The following MTMR4 variants were observed in gnomAD, a reference collection of about 807,000 sequenced individuals.
MTMR4 encodes the protein myotubularin related protein 4.
A neutral mutation model predicts 125.5 loss-of-function variants in MTMR4; 30 were observed. The observed-to-expected ratio is 0.24, with a 90% CI of 0.18 to 0.32. The LOEUF (loss-of-function observed/expected upper bound fraction) is 0.32. Among genes scored for constraint, MTMR4 ranks in the 10% least tolerant of loss-of-function variants. MTMR4 has a pLI of 1.00. For missense variants in MTMR4, 1,039 were observed against 1,511.5 expected, an observed-to-expected ratio of 0.69 and a Z score of 5.18; for synonymous variants, 498 against 564.5, an observed-to-expected ratio of 0.88 and a Z score of 1.67.
At chr17:58,515,996 T>C (rs927665120), upstream of MTMR4, among the ~76,000 whole-genome samples, 13 of 152,226 alleles carry the variant, frequency 8.5e-5, no homozygotes, top group Non-Finnish European at 1.8e-4. Context: ...AGAGAAGGGC[T>C]GTTACAGTTA....
rs1463197601 is a variant in MTMR4, at chr17:58,495,173, A to G, written c.3011T>C (p.Val1004Ala). The change falls in exon 15 of 18, where the codon GTC becomes GCC. Residue 1004 changes from valine (V) to alanine (A), a missense_variant. Around this residue, in one of 6 missense-constraint regions of MTMR4, gnomAD observed 619 missense variants for 714.5 expected, o/e 0.87. Transcript: ENST00000682306. The stretch of plus-strand genomic sequence containing the variant: ...CAGTGGAACGGGCTTTGTGCTAGAG[A>G]CTTGCTTTGGATGACTGGACAACCA... Reference protein sequence around the residue: ...QMWLSSHPKQVSSTKPVPLNC... With the variant: ...QMWLSSHPKQASSTKPVPLNC... 3 of 1,614,052 alleles carry G rather than the reference A, an allele frequency of 1.9e-6. No homozygotes were observed. The highest frequency in any genetic ancestry group is 2.5e-6 in the Non-Finnish European group (3 of 1,180,040).
chr17:58,514,780 G>A (rs571191065), upstream of MTMR4, among the ~76,000 whole-genome samples: 2 of 152,202 alleles, frequency 1.3e-5, no homozygotes, highest in Admixed American at 1.3e-4. Context: ...CTACTCCAGG[G>A]ACCTTTAGGA....
Position 58,512,750 on chromosome 17 carries a change from G to C in MTMR4, c.135+102C>G. ...CCAGAGACCAGGGAACATGAAGCCA[G>C]AGCTCTGGTACCAGATGCCCTTGAG... On this transcript the variant is annotated intron_variant, in intron 2 of 17. Coordinates refer to ENST00000682306, the MANE Select transcript of MTMR4 (RefSeq NM_001378067.1). The surrounding 1 kb of genome is among the most constrained non-coding windows in gnomAD (Gnocchi z 4.1). The C allele has an allele frequency of 9.7e-7, 1 of 1,035,942 alleles. No homozygotes were observed. The highest frequency in any genetic ancestry group is 1.5e-6 in the Non-Finnish European group (1 of 680,002). 64.2% of individuals were successfully genotyped at this position (1,035,942 alleles called of 1,614,324 possible). A position where few individuals can be genotyped will look rare whatever the true frequency, so the allele number is the denominator to read the frequency against.
intron 15 of MTMR4, among the ~76,000 whole-genome samples, chr17:58,494,560 T>C (rs986227776): frequency 5.9e-5 from 9 of 152,224 alleles, no homozygotes; most frequent in African/African-American, 2.2e-4. Flanking sequence ...TGTACACATA[T>C]ATACTCGCAT....
chr17:58,491,649 T>C lies in MTMR4; in HGVS notation c.*14A>G, dbSNP rs1297485509. Reference sequence around the variant, plus strand: ...TTCAAACCTGCTAAAATTGGACAGGTTTCTCCCCGGCATTCAACTGGAAGC... The same window carrying C: ...TTCAAACCTGCTAAAATTGGACAGGCTTCTCCCCGGCATTCAACTGGAAGC... On this transcript the variant is annotated 3_prime_UTR_variant, in exon 18 of 18. Transcript: ENST00000682306. The C allele has an allele frequency of 6.2e-7, 1 of 1,610,184 alleles. No individual in the cohort carries two copies.
intron 14 of MTMR4, among the ~76,000 whole-genome samples, chr17:58,496,970 A>G (rs1349416792): frequency 6.6e-6 from 1 of 152,218 alleles, no homozygotes; most frequent in East Asian, 1.9e-4. Context: ...CTTGATAACC[A>G]CTTAGCAGCA....
Position 58,494,895 on chromosome 17 carries a change from G to A in MTMR4, c.3252+37C>T, listed in dbSNP as rs1353921106. On this transcript the variant is annotated intron_variant, in intron 15 of 17. Transcript: ENST00000682306. ...ATGGAGGGAAGGCTGGATGAACAGA[G>A]TAAATAATGGGTGTATGGCAGTTGG... 3 of 1,578,066 alleles carry A rather than the reference G, an allele frequency of 1.9e-6. No homozygotes were observed. In the South Asian group the frequency reaches 3.5e-5, roughly 18 times the overall value.
In MTMR4 at chr17:58,495,336, T is replaced by C. The variant is rs1334128918; in HGVS notation, c.2848A>G (p.Arg950Gly). 7.4e-6 allele frequency: 12 copies of C among 1,614,106 alleles called. No individual in the cohort carries two copies. Among genetic ancestry groups the C allele is most frequent in the South Asian group, 1.1e-5 (1 of 91,094 alleles). Residue 950 changes from arginine to glycine, a missense_variant, in exon 15 of 18, where the codon AGG becomes GGG. Coordinates refer to ENST00000682306, the MANE Select transcript of MTMR4 (RefSeq NM_001378067.1). ...GCCCGCATCTGCTTACTGTTTGGCCTCTTGCTACAACAGCCATAGGAAAGC... is the reference window on the plus strand; with the variant it reads ...GCCCGCATCTGCTTACTGTTTGGCCCCTTGCTACAACAGCCATAGGAAAGC... ...RLLSYGCCSK[R>G]PNSKQMRATG...
chr17:58,497,439 GTGTGAC>G (rs1567928896), intron 14 of MTMR4, among the ~76,000 whole-genome samples: 21 of 152,220 alleles, frequency 1.4e-4, no homozygotes, highest in African/African-American at 5.1e-4. Context: ...CATCTTTGCT[GTGTGAC>G]TTTAACTTCT....
upstream of MTMR4, among the ~76,000 whole-genome samples, chr17:58,517,075 T>G (rs922692375): frequency 2.0e-5 from 3 of 152,212 alleles, no homozygotes; most frequent in East Asian, 5.8e-4. Context: ...CTGGGAGTAG[T>G]ACCCACCTGA....
chr17:58,495,108 C>T lies in MTMR4; in HGVS notation c.3076G>A (p.Asp1026Asn). 6.2e-7 allele frequency: 1 copy of T among 1,614,242 alleles called. No homozygotes were observed. The highest frequency in any genetic ancestry group is 8.5e-7 in the Non-Finnish European group (1 of 1,180,044). ...SPVPPLYLDD[D>N]GLPFPTDVIQ... ...ACATCCGTGGGAAAGGGGAGTCCATCATCATCCAAATACAGAGGAGGCACT... is the reference window on the plus strand; with the variant it reads ...ACATCCGTGGGAAAGGGGAGTCCATTATCATCCAAATACAGAGGAGGCACT... The change falls in exon 15 of 18, where the codon GAT becomes AAT. Residue 1026 changes from aspartate to asparagine, a missense_variant. Around this residue, in one of 6 missense-constraint regions of MTMR4, gnomAD observed 619 missense variants for 714.5 expected, o/e 0.87. Coordinates refer to ENST00000682306, the MANE Select transcript of MTMR4 (RefSeq NM_001378067.1).
Position 58,512,385 on chromosome 17 carries a change from C to A in MTMR4, c.252+5G>T. 6.2e-7 allele frequency: 1 copy of A among 1,605,796 alleles called. No individual in the cohort carries two copies. ...TAGGGGTAGGAGAACAATACAGAAACTCACGTTGATGACAGAGTCCTTGAA... is the reference window on the plus strand; with the variant it reads ...TAGGGGTAGGAGAACAATACAGAAAATCACGTTGATGACAGAGTCCTTGAA... On this transcript the variant is annotated splice_donor_5th_base_variant and intron_variant, in intron 3 of 17. Transcript: ENST00000682306. This position sits in a 1 kb window ranked among gnomAD's most constrained non-coding sequence, Gnocchi z 4.1.
At position 58,508,422 on chromosome 17, in the gene MTMR4, G is replaced by A. The variant is rs377307501; in HGVS notation, c.593+46C>T. The A allele has an allele frequency of 8.4e-5, 133 of 1,585,786 alleles. 1 individual carries two copies. In the South Asian group the frequency reaches 9.6e-4, roughly 11 times the overall value. On this transcript the variant is annotated intron_variant, in intron 6 of 17. Transcript: ENST00000682306. This position sits in a 1 kb window ranked among gnomAD's most constrained non-coding sequence, Gnocchi z 4.8. ...TGCCCACCACACTTTATCCAAACAC[G>A]GAAGTAGTTTGGTGTGGAAGGTGTT...
intron 9 of MTMR4, 117 bp downstream of exon 9, chr17:58,506,626 T>C: frequency 2.2e-6 from 3 of 1,343,222 alleles, no homozygotes; most frequent in Non-Finnish European, 3.0e-6. Flanking sequence ...AGCAAAGTTG[T>C]GATTACAAGC....
At chr17:58,492,301 A>T (rs949029478) in intron 17 of MTMR4, among the ~76,000 whole-genome samples, 13 of 152,160 alleles carry the variant, frequency 8.5e-5, no homozygotes, top group African/African-American at 3.1e-4. Context: ...CCTCCAGAGT[A>T]GCTGGGATTA....
intron 14 of MTMR4, among the ~76,000 whole-genome samples, chr17:58,501,617 T>A (rs1975633318): frequency 6.6e-6 from 1 of 151,580 alleles, no homozygotes; most frequent in African/African-American, 2.4e-5. Context: ...TATGTATATG[T>A]CTATGTATAT....
chr17:58,499,265 A>C (rs1213843500), intron 14 of MTMR4, among the ~76,000 whole-genome samples: 1 of 149,858 alleles, frequency 6.7e-6, no homozygotes, highest in Non-Finnish European at 1.5e-5. Context: ...ACTACCTCTC[A>C]CCCAGGTGCA....
At chr17:58,500,093 T>G (rs1378314798) in intron 14 of MTMR4, among the ~76,000 whole-genome samples, 1 of 152,136 alleles carries the variant, frequency 6.6e-6, no homozygotes. Flanking sequence ...GTGACCCTTT[T>G]AAAAAACACA....
chr17:58,513,774 G>A (rs1008353453), intron 1 of MTMR4, among the ~76,000 whole-genome samples: 2 of 152,026 alleles, frequency 1.3e-5, no homozygotes, highest in East Asian at 3.9e-4. Flanking sequence ...GGGGAAGCTG[G>A]GAAGGAGCAT....
Sources: allele counts gnomAD v4.1 joint callset (sites outside exome capture counted in the v4.1 genomes callset), GRCh38; gene constraint gnomAD v4.1.1; regional missense constraint gnomAD v4.1.1; non-coding constraint Gnocchi (gnomAD v3.1); transcripts MANE v1.5; gene names NCBI Gene and HGNC (gene_info 2026-07-23, HGNC 2026-07-21).